Variants in RAB8B observed in about 807,000 individuals in gnomAD.
The protein encoded by RAB8B is ras-related protein Rab-8B.
Under a neutral mutation model 32.0 loss-of-function variants are expected in RAB8B, and 11 were observed. The observed-to-expected ratio is 0.34, with a 90% CI of 0.22 to 0.57. The LOEUF (loss-of-function observed/expected upper bound fraction) is 0.57, where lower values mean the gene tolerates loss of function less well. RAB8B is among the 20% of genes least tolerant of loss of function. The pLI is 0.86. For missense variants in RAB8B, 190 were observed against 258.5 expected (o/e 0.73, Z 1.82); for synonymous variants, 103 against 89.6 (o/e 1.15, Z -0.85).
intron 1 of RAB8B, among the ~76,000 whole-genome samples, chr15:63,196,050 T>G (rs540429653): frequency 1.7e-4 from 26 of 152,322 alleles, no homozygotes; most frequent in Admixed American, 4.6e-4. Context: ...TCTTAGGGCG[T>G]GGCTGCTTTT....
At chr15:63,189,858 A>C in intron 1 of RAB8B, 110 bp downstream of exon 1, 2 of 1,235,986 alleles carry the variant, frequency 1.6e-6, no homozygotes, top group Non-Finnish European at 2.1e-6. Context: ...GACCCCGGGG[A>C]CTGCAAGGTG....
Position 63,263,719 on chromosome 15 carries a change from GCTGAGAGCACCA to G in RAB8B, c.*105_*116del. ...CTCAGAATCACACCTCCCGGCTGCT[GCTGAGAGCACCA>G]CTGAACTTAGACCTCTCAACACAGT... On this transcript the variant is annotated 3_prime_UTR_variant, in exon 8 of 8. Transcript: ENST00000321437. 1.1e-6 allele frequency: 1 copy of G among 924,116 alleles called. No individual in the cohort carries two copies. The highest frequency in any genetic ancestry group is 2.6e-5 in the East Asian group (1 of 38,672). The allele number at this position is 924,116 out of a possible 1,614,324, so 57.2% of individuals were successfully genotyped here.
chr15:63,262,782 T>C, intron 7 of RAB8B, 40 bp downstream of exon 7: 1 of 1,097,688 alleles, frequency 9.1e-7, no homozygotes. Flanking sequence ...TTATGCTGTC[T>C]GTTTGGCATT....
intron 1 of RAB8B, among the ~76,000 whole-genome samples, chr15:63,225,448 C>G (rs1030947215): frequency 3.0e-4 from 46 of 152,138 alleles, no homozygotes; most frequent in African/African-American, 1.1e-3. Context: ...TTACTATTAA[C>G]ATTTTTGCCA....
In RAB8B at chr15:63,231,917, C is replaced by G. The variant is rs138724366; in HGVS notation, c.125-12839C>G. Among the ~76,000 whole-genome samples the G allele has an allele frequency of 5.8e-4, 88 of 152,318 alleles. 1 individual carries two copies. The East Asian group carries it at 0.017, about 29-fold the overall frequency. On this transcript the variant is annotated intron_variant, in intron 1 of 7. Transcript: ENST00000321437. ...GACATCTTCGAGCTTATTGCTACTT[C>G]TAGATTGAGTAACACTTGAAACACA... is the stretch of plus-strand genomic sequence containing the variant.
chr15:63,262,837 C>A, intron 7 of RAB8B, 95 bp downstream of exon 7: 1 of 428,312 alleles, frequency 2.3e-6, no homozygotes, highest in Non-Finnish European at 3.8e-6. Flanking sequence ...AAATTAAACT[C>A]ATTTTTTTCC....
rs551005155 is a variant in RAB8B at position 63,261,537 on chromosome 15, C to T, written c.481-1155C>T. On this transcript the variant is annotated intron_variant, in intron 6 of 7. Transcript: ENST00000321437. ...CAGCCATAAAAAAAGAGTGAAATCC[C>T]ATAATTTGCAACAGTATGGATAGAA... Among the ~76,000 whole-genome samples, 9 of 152,216 alleles carry T rather than the reference C, an allele frequency of 5.9e-5. No homozygotes were observed. In the South Asian group the frequency reaches 1.9e-3, roughly 32 times the overall value.
At chr15:63,220,740 A>G (rs1174063040) in intron 1 of RAB8B, among the ~76,000 whole-genome samples, 1 of 152,196 alleles carries the variant, frequency 6.6e-6, no homozygotes, top group African/African-American at 2.4e-5. Context: ...ATCAGTGTCA[A>G]GAAATGTTTA....
At chr15:63,250,836 T>C (rs923696753) in intron 3 of RAB8B, among the ~76,000 whole-genome samples, 1 of 150,890 alleles carries the variant, frequency 6.6e-6, no homozygotes, top group South Asian at 2.1e-4. Context: ...ACCTGGTAGA[T>C]TGTAGGGTAC....
At chr15:63,217,517 G>A (rs1006818969) in intron 1 of RAB8B, among the ~76,000 whole-genome samples, 3 of 152,182 alleles carry the variant, frequency 2.0e-5, no homozygotes, top group African/African-American at 7.2e-5. Flanking sequence ...GACCAAGTTT[G>A]GAGAGTCACT....
chr15:63,256,706 A>C (rs2038161656), intron 5 of RAB8B, 112 bp downstream of exon 5: 3 of 757,226 alleles, frequency 4.0e-6, no homozygotes, highest in Non-Finnish European at 6.3e-6. Flanking sequence ...AATCCCTTTA[A>C]ATTGGATATC....
intron 3 of RAB8B, chr15:63,251,220 A>C: frequency 2.2e-6 from 1 of 451,128 alleles, no homozygotes; most frequent in Admixed American, 2.4e-5. Context: ...ACTGGAATCA[A>C]AGGGAAGGGG....
At chr15:63,235,542 A>G (rs933872984) in intron 1 of RAB8B, among the ~76,000 whole-genome samples, 11 of 151,520 alleles carry the variant, frequency 7.3e-5, no homozygotes, top group African/African-American at 2.7e-4. Context: ...TATAGAGTCA[A>G]AGTCCCCTAT....
rs902945545 is a variant in RAB8B, at chr15:63,235,310, G to A, written c.125-9446G>A. Among the ~76,000 whole-genome samples, 3 of 152,098 alleles carry A rather than the reference G, an allele frequency of 2.0e-5. No homozygotes were observed. In the East Asian group the frequency reaches 5.8e-4, roughly 29 times the overall value. The stretch of plus-strand genomic sequence containing the variant: ...TACTGTATTGAATAAGAGCGATAGA[G>A]CCTGCTTTTCCCCTGACTAAATCTT... On this transcript the variant is annotated intron_variant, in intron 1 of 7. Coordinates refer to ENST00000321437, the MANE Select transcript of RAB8B (RefSeq NM_016530.3).
intron 7 of RAB8B, among the ~76,000 whole-genome samples, chr15:63,263,068 A>G (rs1251839980): frequency 6.6e-6 from 1 of 152,184 alleles, no homozygotes; most frequent in African/African-American, 2.4e-5. Context: ...CATAACTACG[A>G]TTTTGAAGTT....
intron 1 of RAB8B, among the ~76,000 whole-genome samples, chr15:63,243,046 T>C (rs2038045183): frequency 6.6e-6 from 1 of 152,264 alleles, no homozygotes; most frequent in African/African-American, 2.4e-5. Context: ...CTGGGGATGA[T>C]AGAAGACAGT....
In RAB8B at chr15:63,263,737, C is replaced by T; in HGVS notation, c.*118C>T. 1 of 750,950 alleles carries T rather than the reference C, an allele frequency of 1.3e-6. No homozygotes were observed. The highest frequency in any genetic ancestry group is 1.7e-5 in the South Asian group (1 of 60,554). 46.5% of individuals were successfully genotyped at this position (750,950 alleles called of 1,614,324 possible). On this transcript the variant is annotated 3_prime_UTR_variant, in exon 8 of 8. Coordinates refer to ENST00000321437, the MANE Select transcript of RAB8B (RefSeq NM_016530.3). ...GGCTGCTGCTGAGAGCACCACTGAA[C>T]TTAGACCTCTCAACACAGTATGCCA...
rs1595753976 is a variant in RAB8B at position 63,266,225 on chromosome 15, T to C, written c.*2606T>C. 2 of 152,620 alleles carry C rather than the reference T, an allele frequency of 1.3e-5. No individual in the cohort carries two copies. Among genetic ancestry groups the C allele is most frequent in the South Asian group, 4.1e-4 (2 of 4,832 alleles). 9.5% of individuals were successfully genotyped at this position (152,620 alleles called of 1,614,324 possible). A position where few individuals can be genotyped will look rare whatever the true frequency, so the allele number is the denominator to read the frequency against. ...TTAGTGGTTCAGTGGCTGCACTTTA[T>C]TAATCAGTGTGTTAATTTTTGACAG... On this transcript the variant is annotated 3_prime_UTR_variant, in exon 8 of 8. Coordinates refer to ENST00000321437, the MANE Select transcript of RAB8B (RefSeq NM_016530.3).
chr15:63,216,937 C>T (rs937805199), intron 1 of RAB8B, among the ~76,000 whole-genome samples: 1 of 151,296 alleles, frequency 6.6e-6, no homozygotes, highest in Non-Finnish European at 1.5e-5. Context: ...GTGCAGTAGT[C>T]TCTGTTGCTA....
Sources: allele counts gnomAD v4.1 joint callset (sites outside exome capture counted in the v4.1 genomes callset), GRCh38; gene constraint gnomAD v4.1.1; transcripts MANE v1.5; gene names NCBI Gene and HGNC (gene_info 2026-07-23, HGNC 2026-07-21).